The following PTPRD variants were observed in gnomAD, a reference collection of about 807,000 sequenced individuals.
PTPRD encodes the protein protein tyrosine phosphatase receptor type D.
Under a neutral mutation model 214.5 loss-of-function variants are expected in PTPRD, and 34 were observed. That is an observed-to-expected ratio of 0.16 (90% CI 0.12 to 0.21). The LOEUF is 0.21. Among genes scored for constraint, PTPRD ranks in the 10% least tolerant of loss-of-function variants. PTPRD has a pLI of 1.00. For synonymous variants in PTPRD, 1,128 were observed against 845.7 expected (o/e 1.33, Z -5.79); for missense variants, 2,545 against 2,398.7 (o/e 1.06, Z -1.27).
chr9:8,947,067 G>A lies in PTPRD; in HGVS notation c.-104+71630C>T, dbSNP rs544463662. On this transcript the variant is annotated intron_variant, in intron 11 of 45. Transcript: ENST00000381196. Reference sequence around the variant, plus strand: ...TGTGTGTGTGTCTCGATCTTCCTCCGGTTTTATTTATCTCTTACTCCTTTA... The same window carrying A: ...TGTGTGTGTGTCTCGATCTTCCTCCAGTTTTATTTATCTCTTACTCCTTTA... Among the ~76,000 whole-genome samples the A allele has an allele frequency of 5.9e-4, 74 of 126,368 alleles. 2 individuals carry two copies. In the South Asian group the frequency reaches 0.014, roughly 24 times the overall value. 82.9% of individuals were successfully genotyped at this position (126,368 alleles called of 152,430 possible).
chr9:10,539,862 T>A (rs2058703400), intron 2 of PTPRD, among the ~76,000 whole-genome samples: 1 of 152,172 alleles, frequency 6.6e-6, no homozygotes, highest in African/African-American at 2.4e-5. Context: ...TCTTGACATC[T>A]CAAATTTTAG....
chr9:10,588,326 G>A (rs909977430), intron 2 of PTPRD, among the ~76,000 whole-genome samples: 3 of 151,678 alleles, frequency 2.0e-5, no homozygotes, highest in Admixed American at 2.0e-4. Flanking sequence ...CAAATATTCT[G>A]CAAGTACAAA....
intron 2 of PTPRD, among the ~76,000 whole-genome samples, chr9:10,500,696 T>A (rs1225864408): frequency 1.3e-5 from 2 of 151,576 alleles, no homozygotes. Flanking sequence ...CCCCAACCCC[T>A]CCCCAACTAC....
At chr9:10,593,890 C>A (rs1203536416) in intron 2 of PTPRD, among the ~76,000 whole-genome samples, 1 of 151,956 alleles carries the variant, frequency 6.6e-6, no homozygotes, top group Non-Finnish European at 1.5e-5. Flanking sequence ...TCCTCCAGCC[C>A]CAAATGGTGC....
chr9:9,195,300 CAT>C (rs2099937869), intron 9 of PTPRD, among the ~76,000 whole-genome samples: 1 of 151,922 alleles, frequency 6.6e-6, no homozygotes, highest in African/African-American at 2.4e-5. Context: ...TAGTTGAAAA[CAT>C]ATGTTTGGAA....
chr9:8,502,344 G>C (rs1053967592), intron 23 of PTPRD, among the ~76,000 whole-genome samples: 1 of 152,086 alleles, frequency 6.6e-6, no homozygotes, highest in Non-Finnish European at 1.5e-5. Context: ...TTTCATATTT[G>C]AATGTGTAGT....
chr9:8,929,686 T>G (rs2098930892), intron 11 of PTPRD, among the ~76,000 whole-genome samples: 1 of 110,786 alleles, frequency 9.0e-6, no homozygotes, highest in South Asian at 2.6e-4. Context: ...TTCTTTTATA[T>G]ATGTGTATAT....
At position 8,398,601 on chromosome 9, in the gene PTPRD, C is replaced by T. The variant is rs1387581600; in HGVS notation, c.4210+5936G>A. Among the ~76,000 whole-genome samples, 10 of 152,254 alleles carry T rather than the reference C, an allele frequency of 6.6e-5. No individual in the cohort carries two copies. The East Asian group carries it at 1.9e-3, about 29-fold the overall frequency. ...CTGAGAGGTGAGGTCTTAGGAAATG[C>T]TTAAGTCATCAGGGCAGAGCCCTCA... On this transcript the variant is annotated intron_variant, in intron 36 of 45. Coordinates refer to ENST00000381196, the MANE Select transcript of PTPRD (RefSeq NM_002839.4).
chr9:9,236,529 T>C (rs1487205372), intron 9 of PTPRD, among the ~76,000 whole-genome samples: 1 of 151,768 alleles, frequency 6.6e-6, no homozygotes. Context: ...ATCTTTTGCA[T>C]TTCTGGTCCC....
intron 3 of PTPRD, among the ~76,000 whole-genome samples, chr9:10,337,771 C>G (rs751476400): frequency 2.0e-5 from 3 of 151,658 alleles, no homozygotes; most frequent in Non-Finnish European, 3.0e-5. Context: ...GGTGCGGGAA[C>G]TGAGGCTCAG....
At chr9:8,459,118 C>T (rs1487802137) in intron 33 of PTPRD, among the ~76,000 whole-genome samples, 4 of 151,742 alleles carry the variant, frequency 2.6e-5, no homozygotes, top group Non-Finnish European at 5.9e-5. Flanking sequence ...GGGGGAAAAA[C>T]GTTATTCCAG....
At chr9:10,321,891 G>C (rs1248994573) in intron 3 of PTPRD, among the ~76,000 whole-genome samples, 1 of 151,964 alleles carries the variant, frequency 6.6e-6, no homozygotes. Context: ...ACTCTCTTAA[G>C]CATTTTAACT....
At position 9,766,816 on chromosome 9, in the gene PTPRD, C is replaced by A. The variant is rs958093021; in HGVS notation, c.-332G>T. The A allele has an allele frequency of 1.3e-5, 2 of 152,262 alleles. No homozygotes were observed. The highest frequency in any genetic ancestry group is 4.8e-5 in the African/African-American group (2 of 41,364). 9.4% of individuals were successfully genotyped at this position (152,262 alleles called of 1,614,324 possible). On this transcript the variant is annotated 5_prime_UTR_variant, in exon 6 of 46. Coordinates refer to ENST00000381196, the MANE Select transcript of PTPRD (RefSeq NM_002839.4). ...ATATTTTAAATATACTCACCTTTGT[C>A]CAAGGCACATTCTGCTGTGGTCTCA... is the stretch of plus-strand genomic sequence containing the variant.
At chr9:9,488,092 C>A (rs1391924432) in intron 8 of PTPRD, among the ~76,000 whole-genome samples, 1 of 152,056 alleles carries the variant, frequency 6.6e-6, no homozygotes. Context: ...TATTTTGCAG[C>A]AGAAGAAATG....
At chr9:8,626,407 T>G (rs894731806) in intron 14 of PTPRD, among the ~76,000 whole-genome samples, 1 of 151,816 alleles carries the variant, frequency 6.6e-6, no homozygotes, top group African/African-American at 2.4e-5. Context: ...CTCATTTTCT[T>G]TTACTACTAC....
intron 44 of PTPRD, among the ~76,000 whole-genome samples, chr9:8,324,046 G>A (rs1272430301): frequency 2.6e-5 from 4 of 151,392 alleles, no homozygotes; most frequent in Non-Finnish European, 4.4e-5. Flanking sequence ...ATAGAGGCAA[G>A]ACCCTCAACC....
intron 11 of PTPRD, among the ~76,000 whole-genome samples, chr9:8,886,603 T>C (rs984409046): frequency 2.0e-5 from 3 of 152,184 alleles, no homozygotes; most frequent in African/African-American, 7.2e-5. Flanking sequence ...AAATGCATGG[T>C]TTAAATAATT....
chr9:10,487,256 C>G (rs560473265), intron 2 of PTPRD, among the ~76,000 whole-genome samples: 1 of 152,198 alleles, frequency 6.6e-6, no homozygotes, highest in South Asian at 2.1e-4. Context: ...TTTGACCACT[C>G]TGTTTTTTGA....
intron 2 of PTPRD, among the ~76,000 whole-genome samples, chr9:10,356,580 A>G (rs961225528): frequency 1.3e-5 from 2 of 152,212 alleles, no homozygotes; most frequent in African/African-American, 4.8e-5. Context: ...AGTTGCAGAG[A>G]TGAACATAAT....
Sources: allele counts gnomAD v4.1 joint callset (sites outside exome capture counted in the v4.1 genomes callset), GRCh38; gene constraint gnomAD v4.1.1; transcripts MANE v1.5; gene names NCBI Gene and HGNC (gene_info 2026-07-23, HGNC 2026-07-21).